Variants in PCDHGA9 observed in about 807,000 individuals in gnomAD.
PCDHGA9 encodes the protein protocadherin gamma subfamily A, 9, also known as protocadherin gamma-A9.
PCDHGA9 carries 37 observed loss-of-function variants against 62.5 expected under a neutral mutation model. The observed-to-expected ratio is 0.59, with a 90% confidence interval of 0.46 to 0.78. The LOEUF is 0.78. Ranked by LOEUF, PCDHGA9 falls within the 30% of genes least tolerant of loss-of-function variation. The pLI, the probability that PCDHGA9 is intolerant of heterozygous loss-of-function variation, is 0.00. For synonymous variants in PCDHGA9, 459 were observed against 484.6 expected, an observed-to-expected ratio of 0.95 and a Z score of 0.69; for missense variants, 1,138 against 1,166.2, an observed-to-expected ratio of 0.98 and a Z score of 0.35.
At chr5:141,427,777 C>A in intron 1 of PCDHGA9, 1 of 1,432,382 alleles carries the variant, frequency 7.0e-7, no homozygotes, top group Non-Finnish European at 9.7e-7. Flanking sequence ...GAGCTGCGGG[C>A]ACTGTCGTCC....
At chr5:141,427,333 T>C (rs1157500463) in intron 1 of PCDHGA9, 1 of 457,322 alleles carries the variant, frequency 2.2e-6, no homozygotes, top group Non-Finnish European at 4.4e-6. Context: ...TTTACTTCAG[T>C]GTCCAGTTCT....
chr5:141,470,708 A>T (rs1293545270), intron 1 of PCDHGA9, among the ~76,000 whole-genome samples: 1 of 151,804 alleles, frequency 6.6e-6, no homozygotes. Flanking sequence ...TTTTTATTTT[A>T]TTTTTTTGAG....
At position 141,409,941 on chromosome 5, in the gene PCDHGA9, G is replaced by C. The variant is rs757414302; in HGVS notation, c.2424+4565G>C. ...TCCGCGTTCTTCGATATGGTACCTC[G>C]CTCTGCAGAGCCCGGCTACCTAGTG... On this transcript the variant is annotated intron_variant, in intron 1 of 3. Transcript: ENST00000573521. 1.9e-6 allele frequency: 3 copies of C among 1,613,226 alleles called. No homozygotes were observed. In the South Asian group the frequency reaches 3.3e-5, roughly 18 times the overall value.
chr5:141,470,658 G>T lies in PCDHGA9; in HGVS notation c.2425-24149G>T, dbSNP rs527415532. Among the ~76,000 whole-genome samples the T allele has an allele frequency of 4.7e-3, 721 of 152,024 alleles. 9 individuals carry two copies. The highest frequency in any genetic ancestry group is 6.7e-3 in the Non-Finnish European group (452 of 67,944). On this transcript the variant is annotated intron_variant, in intron 1 of 3. Transcript: ENST00000573521. ...CTTGCTTTGAAGGCCCCTACCCTTT[G>T]GTTAGGGCTCTGCTGTTACCATCTT... is the stretch of plus-strand genomic sequence containing the variant.
chr5:141,467,736 G>A (rs1435480730), intron 1 of PCDHGA9, among the ~76,000 whole-genome samples: 1 of 151,902 alleles, frequency 6.6e-6, no homozygotes, highest in Non-Finnish European at 1.5e-5. Flanking sequence ...ATCCCAGCTC[G>A]CTGCAACCTC....
intron 1 of PCDHGA9, among the ~76,000 whole-genome samples, chr5:141,450,379 A>C (rs1269979263): frequency 6.6e-6 from 1 of 152,144 alleles, no homozygotes; most frequent in Non-Finnish European, 1.5e-5. Flanking sequence ...GTTTATATGA[A>C]ACTGACATTT....
At chr5:141,418,189 G>A in intron 1 of PCDHGA9, 1 of 1,614,046 alleles carries the variant, frequency 6.2e-7, no homozygotes, top group Admixed American at 1.7e-5. Flanking sequence ...AAGCTGTGGT[G>A]GAAAATCCTT....
chr5:141,408,469 A>G (rs1454570616), intron 1 of PCDHGA9: 2 of 1,614,078 alleles, frequency 1.2e-6, no homozygotes, highest in South Asian at 2.2e-5. Flanking sequence ...TGAAGAACCG[A>G]ATAGACCGTG....
intron 1 of PCDHGA9, chr5:141,427,874 G>A: frequency 1.3e-6 from 2 of 1,560,274 alleles, no homozygotes; most frequent in South Asian, 2.2e-5. Flanking sequence ...AGCTCACGAT[G>A]CAGGCCCACG....
intron 1 of PCDHGA9, among the ~76,000 whole-genome samples, chr5:141,456,955 T>A (rs1352654794): frequency 2.6e-5 from 4 of 151,974 alleles, no homozygotes; most frequent in African/African-American, 7.3e-5. Flanking sequence ...AGAGCAAAAC[T>A]CCATCTCAAA....
At chr5:141,417,710 T>A in intron 1 of PCDHGA9, 2 of 1,249,348 alleles carry the variant, frequency 1.6e-6, no homozygotes, top group Admixed American at 5.9e-5. Context: ...ACACAGAGGC[T>A]CCCGGCTGCG....
intron 1 of PCDHGA9, among the ~76,000 whole-genome samples, chr5:141,473,831 A>G (rs950283433): frequency 1.3e-5 from 2 of 152,252 alleles, no homozygotes; most frequent in African/African-American, 4.8e-5. Context: ...GTGTGATCCA[A>G]TTAAAATTTT....
chr5:141,432,874 G>A lies in PCDHGA9; in HGVS notation c.2424+27498G>A, dbSNP rs2097545539. 2 of 1,614,176 alleles carry A rather than the reference G, an allele frequency of 1.2e-6. No homozygotes were observed. The highest frequency in any genetic ancestry group is 1.7e-6 in the Non-Finnish European group (2 of 1,180,014). Reference sequence around the variant, plus strand: ...TGGCCGCGGTCTCCTGCGTCTTCCTGGCCTTCGTCATCTTGCTGCTGGCGC... The same window carrying A: ...TGGCCGCGGTCTCCTGCGTCTTCCTAGCCTTCGTCATCTTGCTGCTGGCGC... On this transcript the variant is annotated intron_variant, in intron 1 of 3. Transcript: ENST00000573521. This position sits in a 1 kb window ranked among gnomAD's most constrained non-coding sequence, Gnocchi z 6.0.
At chr5:141,470,957 TCCTCCCACCTCAG>T (rs2099244488) in intron 1 of PCDHGA9, among the ~76,000 whole-genome samples, 1 of 152,026 alleles carries the variant, frequency 6.6e-6, no homozygotes, top group South Asian at 2.1e-4. Flanking sequence ...CCTCAAGTGA[TCCTCCCACCTCAG>T]CCTCCCAAAG....
chr5:141,489,546 C>T lies in PCDHGA9; in HGVS notation c.2425-5261C>T, dbSNP rs1404605129. ...GCCTATGTGGAGCCAGCACCAGCTGCCTGCTGCCAGTGCAGGTGGTGACTG... is the reference window on the plus strand; with the variant it reads ...GCCTATGTGGAGCCAGCACCAGCTGTCTGCTGCCAGTGCAGGTGGTGACTG... On this transcript the variant is annotated intron_variant, in intron 1 of 3. Coordinates refer to ENST00000573521, the MANE Select transcript of PCDHGA9 (RefSeq NM_018921.3). The surrounding 1 kb of genome is among the most constrained non-coding windows in gnomAD (Gnocchi z 4.5). 2 of 1,614,076 alleles carry T rather than the reference C, an allele frequency of 1.2e-6. No homozygotes were observed. The highest frequency in any genetic ancestry group is 2.2e-5 in the East Asian group (1 of 44,868).
Position 141,476,364 on chromosome 5 carries a change from C to T in PCDHGA9, c.2425-18443C>T, listed in dbSNP as rs1462808655. The T allele has an allele frequency of 6.2e-7, 1 of 1,614,036 alleles. No homozygotes were observed. The highest frequency in any genetic ancestry group is 8.5e-7 in the Non-Finnish European group (1 of 1,180,026). Reference sequence around the variant, plus strand: ...AGATTCTTTGAGGTGAACCGGGAGACCGGAGAGATGTTTGTGAACGACCGT... The same window carrying T: ...AGATTCTTTGAGGTGAACCGGGAGATCGGAGAGATGTTTGTGAACGACCGT... On this transcript the variant is annotated intron_variant, in intron 1 of 3. Coordinates refer to ENST00000573521, the MANE Select transcript of PCDHGA9 (RefSeq NM_018921.3). This position sits in a 1 kb window ranked among gnomAD's most constrained non-coding sequence, Gnocchi z 7.6.
rs112078596 is a variant in PCDHGA9, at chr5:141,490,350, G to A, written c.2425-4457G>A. ...GCACACCAGTGGGCACAGTAGTGGG[G>A]TTGTTTAATGTGCGAGACCGGGACT... On this transcript the variant is annotated intron_variant, in intron 1 of 3. Coordinates refer to ENST00000573521, the MANE Select transcript of PCDHGA9 (RefSeq NM_018921.3). The surrounding 1 kb of genome is among the most constrained non-coding windows in gnomAD (Gnocchi z 5.4). 3.5e-5 allele frequency: 57 copies of A among 1,614,086 alleles called. No homozygotes were observed. The highest frequency in any genetic ancestry group is 4.6e-5 in the Non-Finnish European group (54 of 1,180,042).
At chr5:141,407,963 G>T (rs2095010709) in intron 1 of PCDHGA9, 1 of 681,746 alleles carries the variant, frequency 1.5e-6, no homozygotes, top group Admixed American at 3.5e-5. Context: ...TGCAGAGCAA[G>T]CGCTGACGCC....
chr5:141,421,433 C>A lies in PCDHGA9; in HGVS notation c.2424+16057C>A, dbSNP rs772564300. 5 of 1,614,074 alleles carry A rather than the reference C, an allele frequency of 3.1e-6. No homozygotes were observed. In the African/African-American group the frequency reaches 4.0e-5, roughly 13 times the overall value. On this transcript the variant is annotated intron_variant, in intron 1 of 3. Coordinates refer to ENST00000573521, the MANE Select transcript of PCDHGA9 (RefSeq NM_018921.3). ...GCGAAGCGCGGAGTCCGCATCGTCTCCAGAGGGAAGACACAGCTTTTCGCT... is the reference window on the plus strand; with the variant it reads ...GCGAAGCGCGGAGTCCGCATCGTCTACAGAGGGAAGACACAGCTTTTCGCT...
Sources: gnomAD v4.1 joint callset for allele counts (sites outside exome capture counted in the v4.1 genomes callset) on GRCh38, gnomAD v4.1.1 for gene constraint, Gnocchi (gnomAD v3.1) non-coding constraint, MANE v1.5 for transcripts, NCBI Gene and HGNC (gene_info 2026-07-23, HGNC 2026-07-21) for gene names.